The following ATP13A4 variants were observed in gnomAD, a reference collection of about 807,000 sequenced individuals.
ATP13A4 encodes the protein probable cation-transporting ATPase 13A4.
In ATP13A4, 114 loss-of-function variants were observed where a neutral mutation model predicts 142.5. The ratio of observed to expected loss-of-function variants is 0.80; its 90% CI spans 0.69 to 0.93. The LOEUF is 0.93. Ranked by LOEUF, ATP13A4 falls within the 40% of genes least tolerant of loss-of-function variation. ATP13A4 has a pLI of 0.00. For synonymous variants in ATP13A4, 488 were observed against 514.8 expected (o/e 0.95, Z 0.70); for missense variants, 1,392 against 1,454.0 (o/e 0.96, Z 0.69).
intron 5 of ATP13A4, among the ~76,000 whole-genome samples, chr3:193,492,222 C>T (rs1719982343): frequency 6.6e-6 from 1 of 152,126 alleles, no homozygotes; most frequent in Non-Finnish European, 1.5e-5. Context: ...CTGTACATCT[C>T]TTCAAAGTAC....
At position 193,452,462 on chromosome 3, in the gene ATP13A4, C is replaced by T. The variant is rs188202933; in HGVS notation, c.2027+1639G>A. ...AAGCCCAGGAAACAAACACAATGAGCCACTTCCCACAGTGGGCTTCATTTT... is the reference window on the plus strand; with the variant it reads ...AAGCCCAGGAAACAAACACAATGAGTCACTTCCCACAGTGGGCTTCATTTT... On this transcript the variant is annotated intron_variant, in intron 17 of 29. Coordinates refer to ENST00000342695, the MANE Select transcript of ATP13A4 (RefSeq NM_032279.4). Among the ~76,000 whole-genome samples the T allele has an allele frequency of 5.3e-5, 8 of 152,214 alleles. No individual in the cohort carries two copies. In the East Asian group the frequency reaches 1.2e-3, roughly 22 times the overall value.
chr3:193,532,417 T>A (rs1323650960), intron 1 of ATP13A4, among the ~76,000 whole-genome samples: 2 of 147,772 alleles, frequency 1.4e-5, no homozygotes, highest in South Asian at 2.2e-4. Context: ...AACTTACAGA[T>A]AATAGGCCCC....
chr3:193,486,470 G>A (rs948062558), intron 7 of ATP13A4, among the ~76,000 whole-genome samples: 4 of 152,170 alleles, frequency 2.6e-5, no homozygotes, highest in Non-Finnish European at 5.9e-5. Flanking sequence ...AAAATCAAAG[G>A]ACTTTCTGTG....
intron 2 of ATP13A4, among the ~76,000 whole-genome samples, chr3:193,502,875 TGA>T (rs531750571): frequency 1.0e-3 from 157 of 152,286 alleles, no homozygotes; most frequent in Admixed American, 3.6e-3. Flanking sequence ...TAACAAAGCT[TGA>T]GAATCAGGAG....
At chr3:193,480,367 C>T (rs1719220191) in intron 8 of ATP13A4, among the ~76,000 whole-genome samples, 1 of 152,060 alleles carries the variant, frequency 6.6e-6, no homozygotes, top group African/African-American at 2.4e-5. Flanking sequence ...AAAATCTTTG[C>T]AATCTATACT....
chr3:193,400,539 CACACT>C lies in ATP13A4; in HGVS notation c.*2108_*2112del. On this transcript the variant is annotated 3_prime_UTR_variant, in exon 30 of 30. Coordinates refer to ENST00000342695, the MANE Select transcript of ATP13A4 (RefSeq NM_032279.4). ...CCCATTCTTTGCTTGACTGTGAGATCACACTAAGCAACCTGCCCTGCTGGAACTCT... is the reference window on the plus strand; with the variant it reads ...CCCATTCTTTGCTTGACTGTGAGATCAAGCAACCTGCCCTGCTGGAACTCT... 1.3e-5 allele frequency among the ~76,000 whole-genome samples: 2 copies of C among 152,220 alleles called. No homozygotes were observed. Among genetic ancestry groups the C allele is most frequent in the East Asian group, 3.9e-4 (2 of 5,194 alleles).
intron 1 of ATP13A4, among the ~76,000 whole-genome samples, chr3:193,518,081 A>G (rs547545021): frequency 2.0e-5 from 3 of 152,334 alleles, no homozygotes; most frequent in Non-Finnish European, 2.9e-5. Context: ...ATTTTCACAT[A>G]AAAATTAAGA....
At chr3:193,480,945 A>C in intron 8 of ATP13A4, among the ~76,000 whole-genome samples, 1 of 152,178 alleles carries the variant, frequency 6.6e-6, no homozygotes, top group Non-Finnish European at 1.5e-5. Context: ...TACCATACAG[A>C]CATAAAAAAT....
At chr3:193,451,720 T>C (rs149142502) in intron 17 of ATP13A4, among the ~76,000 whole-genome samples, 1 of 152,276 alleles carries the variant, frequency 6.6e-6, no homozygotes, top group Non-Finnish European at 1.5e-5. Flanking sequence ...TTTTAAAGGA[T>C]GAAATATGCA....
Position 193,402,073 on chromosome 3 carries a change from C to G in ATP13A4, c.*579G>C, listed in dbSNP as rs1396471184. ...AAAGAAGCACTTGTGTGTTAAGGCACTGATATCTGAGAGTTGTTTTTTATT... is the reference window on the plus strand; with the variant it reads ...AAAGAAGCACTTGTGTGTTAAGGCAGTGATATCTGAGAGTTGTTTTTTATT... On this transcript the variant is annotated 3_prime_UTR_variant, in exon 30 of 30. Coordinates refer to ENST00000342695, the MANE Select transcript of ATP13A4 (RefSeq NM_032279.4). 1 of 153,776 alleles carries G rather than the reference C, an allele frequency of 6.5e-6. No homozygotes were observed. The highest frequency in any genetic ancestry group is 2.4e-5 in the African/African-American group (1 of 41,434). 9.5% of individuals were successfully genotyped at this position (153,776 alleles called of 1,614,324 possible). A position where few individuals can be genotyped will look rare whatever the true frequency, so the allele number is the denominator to read the frequency against.
chr3:193,586,987 T>C (rs1009934873), intron 1 of ATP13A4, among the ~76,000 whole-genome samples: 1 of 152,230 alleles, frequency 6.6e-6, no homozygotes, highest in Non-Finnish European at 1.5e-5. Flanking sequence ...CTCCATTTAT[T>C]ACAGTCTTCA....
chr3:193,503,995 A>ATGTG (rs554927410), intron 2 of ATP13A4, among the ~76,000 whole-genome samples: 13 of 136,178 alleles, frequency 9.5e-5, no homozygotes, highest in South Asian at 4.8e-4. Flanking sequence ...TTCTGTGTGC[A>ATGTG]TGTGTGTGTG....
chr3:193,474,567 G>GAGAAAGAAGGAA (rs1444227261), intron 8 of ATP13A4, among the ~76,000 whole-genome samples: 1 of 140,728 alleles, frequency 7.1e-6, no homozygotes, highest in Non-Finnish European at 1.5e-5. Flanking sequence ...AAAAGAGAGA[G>GAGAAAGAAGGAA]AGAAAGAAGG....
chr3:193,578,518 T>G (rs1275586324), intron 2 of ATP13A4, among the ~76,000 whole-genome samples: 4 of 152,146 alleles, frequency 2.6e-5, no homozygotes, highest in Non-Finnish European at 4.4e-5. Flanking sequence ...TGTGTCAACT[T>G]GACTGGATTA....
At position 193,464,865 on chromosome 3, in the gene ATP13A4, A is replaced by AG. The variant is rs1238094480; in HGVS notation, c.1461+74dup. 4.6e-5 allele frequency: 68 copies of AG among 1,489,996 alleles called. No individual in the cohort carries two copies. The African/African-American group carries it at 8.7e-4, about 19-fold the overall frequency. The allele number at this position is 1,489,996 out of a possible 1,614,324, so 92.3% of individuals were successfully genotyped here. A position where few individuals can be genotyped will look rare whatever the true frequency, so the allele number is the denominator to read the frequency against. ...CACATTCTATGTCTCCTGCCTTGCA[A>AG]GGGGGTAAAAGTAGATATACATGAT... On this transcript the variant is annotated intron_variant, in intron 12 of 29. Coordinates refer to ENST00000342695, the MANE Select transcript of ATP13A4 (RefSeq NM_032279.4).
rs902762542 is a variant in ATP13A4, at chr3:193,444,952, T to C, written c.2153-2396A>G. On this transcript the variant is annotated intron_variant, in intron 18 of 29. Transcript: ENST00000342695. ...GACAGCCTGTCTGCTTTTTGCCCTC[T>C]ACCACCTGTCAGAGATCCAGTGTTC... Among the ~76,000 whole-genome samples, 5 of 152,302 alleles carry C rather than the reference T, an allele frequency of 3.3e-5. No individual in the cohort carries two copies. In the East Asian group the frequency reaches 9.6e-4, roughly 29 times the overall value.
chr3:193,470,786 G>A (rs1576997235), intron 9 of ATP13A4, 73 bp downstream of exon 9: 4 of 1,605,446 alleles, frequency 2.5e-6, no homozygotes, highest in Non-Finnish European at 3.4e-6. Context: ...TAGAGGAGGA[G>A]GCGTAGGGAC....
intron 2 of ATP13A4, among the ~76,000 whole-genome samples, chr3:193,576,249 C>CT (rs59910562): frequency 0.17 from 9,085 of 54,314 alleles, 3,308 homozygotes; most frequent in Non-Finnish European, 0.22. Context: ...TTGAATCAAT[C>CT]TTTTTTTTTT....
intron 1 of ATP13A4, among the ~76,000 whole-genome samples, chr3:193,551,431 G>T (rs1723558073): frequency 1.3e-5 from 2 of 151,754 alleles, no homozygotes; most frequent in Non-Finnish European, 2.9e-5. Context: ...AAAAAAAAAA[G>T]TACATATTCC....
Sources: allele counts gnomAD v4.1 joint callset (sites outside exome capture counted in the v4.1 genomes callset), GRCh38; gene constraint gnomAD v4.1.1; transcripts MANE v1.5; gene names NCBI Gene and HGNC (gene_info 2026-07-23, HGNC 2026-07-21).